Variants in HOMER1 observed in about 807,000 individuals in gnomAD.
HOMER1 encodes the protein homer scaffold protein 1, also known as homer protein homolog 1.
In HOMER1, 3 loss-of-function variants were observed where a neutral mutation model predicts 48.9. That is an observed-to-expected ratio of 0.06 (90% CI 0.03 to 0.16). HOMER1 has a LOEUF of 0.16. HOMER1 is among the 10% of genes least tolerant of loss of function. The pLI is 1.00. For missense variants in HOMER1, 247 were observed against 411.4 expected, an observed-to-expected ratio of 0.60 and a Z score of 3.46; for synonymous variants, 134 against 146.4, an observed-to-expected ratio of 0.92 and a Z score of 0.61.
At chr5:79,511,794 A>C (rs1752952315) in intron 1 of HOMER1, among the ~76,000 whole-genome samples, 1 of 152,258 alleles carries the variant, frequency 6.6e-6, no homozygotes, top group Admixed American at 6.5e-5. Context: ...AAGCGTGTGT[A>C]CACACCTAAA....
chr5:79,497,986 A>T (rs1299841310), intron 1 of HOMER1, among the ~76,000 whole-genome samples: 1 of 152,186 alleles, frequency 6.6e-6, no homozygotes, highest in East Asian at 1.9e-4. Context: ...CCTGTGTTTC[A>T]TCAAGGTCTC....
chr5:79,471,578 G>C (rs963086620), intron 1 of HOMER1, among the ~76,000 whole-genome samples: 15 of 139,180 alleles, frequency 1.1e-4, no homozygotes, highest in Non-Finnish European at 2.0e-4. Flanking sequence ...AAAAAAGAAA[G>C]AAAAAAATGG....
At chr5:79,400,820 C>A (rs561099833) in intron 6 of HOMER1, among the ~76,000 whole-genome samples, 2 of 145,694 alleles carry the variant, frequency 1.4e-5, no homozygotes, top group South Asian at 4.3e-4. Flanking sequence ...TCATAATTCA[C>A]TGCAGCCTCC....
chr5:79,379,112 AT>A (rs1748866202), intron 8 of HOMER1, among the ~76,000 whole-genome samples: 1 of 94,622 alleles, frequency 1.1e-5, no homozygotes, highest in Non-Finnish European at 2.0e-5. Flanking sequence ...ATATATATAT[AT>A]AAAATATATA....
At chr5:79,478,088 A>G (rs985643998) in intron 1 of HOMER1, among the ~76,000 whole-genome samples, 15 of 152,202 alleles carry the variant, frequency 9.9e-5, no homozygotes, top group Admixed American at 3.3e-4. Flanking sequence ...CCATTTTCAT[A>G]CTTACAACGA....
chr5:79,504,586 C>T (rs757811715), intron 1 of HOMER1, among the ~76,000 whole-genome samples: 10 of 151,950 alleles, frequency 6.6e-5, no homozygotes, highest in Non-Finnish European at 1.2e-4. Flanking sequence ...ATAGTCATGT[C>T]CTAAAGATCA....
intron 6 of HOMER1, among the ~76,000 whole-genome samples, chr5:79,400,115 TA>T (rs1222989658): frequency 6.6e-6 from 1 of 152,064 alleles, no homozygotes; most frequent in Non-Finnish European, 1.5e-5. Context: ...ACATATATCA[TA>T]AAATTTATCA....
intron 8 of HOMER1, among the ~76,000 whole-genome samples, chr5:79,382,088 T>C (rs889856905): frequency 6.6e-6 from 1 of 152,028 alleles, no homozygotes; most frequent in Middle Eastern, 3.2e-3. Flanking sequence ...CAAAGACAAG[T>C]CTTTTGAAAT....
At chr5:79,439,988 T>C (rs1251674620) in intron 4 of HOMER1, among the ~76,000 whole-genome samples, 1 of 152,124 alleles carries the variant, frequency 6.6e-6, no homozygotes, top group Non-Finnish European at 1.5e-5. Flanking sequence ...GGGGAGGTGC[T>C]AAAACCAGAC....
At chr5:79,407,599 G>C (rs531382890) in intron 5 of HOMER1, among the ~76,000 whole-genome samples, 1 of 152,282 alleles carries the variant, frequency 6.6e-6, no homozygotes, top group South Asian at 2.1e-4. Context: ...GCTGCATAAA[G>C]TCGGTGAACA....
intron 1 of HOMER1, among the ~76,000 whole-genome samples, chr5:79,477,055 TTC>T (rs1454962551): frequency 6.6e-6 from 1 of 152,102 alleles, no homozygotes. Context: ...CGGAGAGAAA[TTC>T]TGTTTCCTGA....
chr5:79,408,095 G>A (rs139666715), intron 5 of HOMER1, among the ~76,000 whole-genome samples: 2 of 152,158 alleles, frequency 1.3e-5, no homozygotes, highest in East Asian at 3.9e-4. Context: ...TGTATCTACA[G>A]AAAAAAACAT....
At chr5:79,450,105 T>G (rs2112292209) in intron 3 of HOMER1, among the ~76,000 whole-genome samples, 1 of 152,332 alleles carries the variant, frequency 6.6e-6, no homozygotes, top group South Asian at 2.1e-4. Context: ...TAATTTCAAC[T>G]CTCTAGCCTG....
At chr5:79,438,964 A>G in intron 5 of HOMER1, 46 bp downstream of exon 5, 2 of 1,557,402 alleles carry the variant, frequency 1.3e-6, no homozygotes, top group Non-Finnish European at 1.8e-6. Flanking sequence ...AAACATTTCC[A>G]TATTTACACA....
intron 8 of HOMER1, among the ~76,000 whole-genome samples, chr5:79,396,456 CA>C (rs1398217885): frequency 6.6e-6 from 1 of 151,890 alleles, no homozygotes; most frequent in Non-Finnish European, 1.5e-5. Context: ...GATTATGACT[CA>C]TTGCAGCCTC....
rs551771378 is a variant in HOMER1, at chr5:79,465,513, C to T, written c.6-8495G>A. ...AAGAAAATATCAAATCTAAAATTTC[C>T]ATTTGGAAATTAAGATTCTTAAATT... On this transcript the variant is annotated intron_variant, in intron 1 of 8. Transcript: ENST00000334082. Among the ~76,000 whole-genome samples, 31 of 149,308 alleles carry T rather than the reference C, an allele frequency of 2.1e-4. 1 individual carries two copies. In the South Asian group the frequency reaches 6.6e-3, roughly 32 times the overall value.
chr5:79,421,948 C>T (rs1750112192), intron 5 of HOMER1, among the ~76,000 whole-genome samples: 1 of 152,030 alleles, frequency 6.6e-6, no homozygotes, highest in Non-Finnish European at 1.5e-5. Context: ...CAACATAGGC[C>T]GGATGCAGTG....
At chr5:79,396,295 A>AAAAAAT (rs1554057176) in intron 8 of HOMER1, among the ~76,000 whole-genome samples, 71 of 147,526 alleles carry the variant, frequency 4.8e-4, no homozygotes, top group African/African-American at 1.5e-3. Context: ...GTACATTGTA[A>AAAAAAT]AATAATAATA....
At chr5:79,507,942 T>C (rs921492692) in intron 1 of HOMER1, among the ~76,000 whole-genome samples, 18 of 152,110 alleles carry the variant, frequency 1.2e-4, no homozygotes, top group African/African-American at 4.3e-4. Flanking sequence ...ATGTCCTAAT[T>C]CTGAAAAAGC....
Sources: gnomAD v4.1 joint callset for allele counts (sites outside exome capture counted in the v4.1 genomes callset) on GRCh38, gnomAD v4.1.1 for gene constraint, MANE v1.5 for transcripts, NCBI Gene and HGNC (gene_info 2026-07-23, HGNC 2026-07-21) for gene names.